Variants in SGK3 observed in about 807,000 individuals in gnomAD.
SGK3 encodes serine/threonine-protein kinase Sgk3.
SGK3 carries 47 observed loss-of-function variants against 68.5 expected under a neutral mutation model. The observed-to-expected ratio is 0.69, with a 90% CI of 0.54 to 0.87. The LOEUF is 0.87. Among genes scored for constraint, SGK3 ranks in the 40% least tolerant of loss-of-function variants. The pLI is 0.00. For synonymous variants in SGK3, 181 were observed against 189.1 expected, an observed-to-expected ratio of 0.96 and a Z score of 0.35; for missense variants, 479 against 575.5, an observed-to-expected ratio of 0.83 and a Z score of 1.72.
intron 1 of SGK3, among the ~76,000 whole-genome samples, chr8:66,749,130 G>C (rs2130425395): frequency 6.6e-6 from 1 of 152,260 alleles, no homozygotes; most frequent in East Asian, 1.9e-4. Context: ...TACGAGAGTG[G>C]AAGGGATGGA....
Position 66,847,340 on chromosome 8 carries a change from G to A in SGK3, c.1222G>A (p.Glu408Lys). ...CAGGCAAAATCGACTTGGTGCCAAGGAAGACTTTGTATGTAACAGCTTTTC... is the reference window on the plus strand; with the variant it reads ...CAGGCAAAATCGACTTGGTGCCAAGAAAGACTTTGTATGTAACAGCTTTTC... ...KDRQNRLGAK[E>K]DFLEIQNHPF... Residue 408 changes from glutamate (E) to lysine (K), a missense_variant, in exon 15 of 17, where the codon GAA (glutamate) becomes AAA (lysine). Transcript: ENST00000521198. The A allele has an allele frequency of 6.2e-7, 1 of 1,613,290 alleles. No homozygotes were observed. The highest frequency in any genetic ancestry group is 8.5e-7 in the Non-Finnish European group (1 of 1,179,792).
Position 66,835,784 on chromosome 8 carries a change from C to A in SGK3, c.547C>A (p.Leu183Met), listed in dbSNP as rs1172793059. ...ACAGGTTCTTCTTGCAAAACGGAAA[C>A]TGGATGGAAAATTTTATGCTGTCAA... ...FGKVLLAKRK[L>M]DGKFYAVKVL... Residue 183 changes from leucine to methionine, a missense_variant, in exon 9 of 17, where the codon CTG becomes ATG. By Grantham distance (15) the Leu-to-Met change is conservative. This residue lies in a region of SGK3 where 298 missense variants were observed against 329.4 expected (regional missense o/e 0.90). Coordinates refer to ENST00000521198, the MANE Select transcript of SGK3 (RefSeq NM_001033578.3). 2 of 1,611,984 alleles carry A rather than the reference C, an allele frequency of 1.2e-6. No individual in the cohort carries two copies. The highest frequency in any genetic ancestry group is 2.7e-5 in the African/African-American group (2 of 74,898).
At chr8:66,733,435 G>A (rs1017931180) in intron 1 of SGK3, among the ~76,000 whole-genome samples, 8 of 152,228 alleles carry the variant, frequency 5.3e-5, no homozygotes, top group Non-Finnish European at 5.9e-5. Flanking sequence ...AGGAGTAAAT[G>A]TGATTGTTTT....
At chr8:66,855,760 T>C (rs1465303622) in intron 16 of SGK3, among the ~76,000 whole-genome samples, 1 of 152,200 alleles carries the variant, frequency 6.6e-6, no homozygotes, top group Non-Finnish European at 1.5e-5. Flanking sequence ...ATACTGACGG[T>C]TGAAGAAGTG....
intron 10 of SGK3, 82 bp downstream of exon 10, chr8:66,836,156 G>A (rs1479693903): frequency 6.6e-7 from 1 of 1,515,732 alleles, no homozygotes; most frequent in Non-Finnish European, 8.9e-7. Flanking sequence ...AGTTTTAGAA[G>A]GACAGTATAA....
rs1349973707 is a variant in SGK3 at position 66,793,608 on chromosome 8, T to C, written c.-121-8T>C. The C allele has an allele frequency of 4.0e-6, 3 of 756,492 alleles. No individual in the cohort carries two copies. Among genetic ancestry groups the C allele is most frequent in the Admixed American group, 6.7e-5 (2 of 30,004 alleles). 46.9% of individuals were successfully genotyped at this position (756,492 alleles called of 1,614,324 possible). ...GCTAATCACTTTTTTTTTTTTCTGT[T>C]GGTTAAGGTTGCATGATGGAATTTG... is the stretch of plus-strand genomic sequence containing the variant. On this transcript the variant is annotated splice_polypyrimidine_tract_variant and splice_region_variant and intron_variant, in intron 1 of 16. Coordinates refer to ENST00000521198, the MANE Select transcript of SGK3 (RefSeq NM_001033578.3).
At chr8:66,732,516 C>T (rs1274495901) in intron 1 of SGK3, among the ~76,000 whole-genome samples, 2 of 151,772 alleles carry the variant, frequency 1.3e-5, no homozygotes, top group African/African-American at 4.8e-5. Flanking sequence ...TTAACTTTGC[C>T]TTGTAGCACA....
intron 1 of SGK3, among the ~76,000 whole-genome samples, chr8:66,793,325 T>C (rs1478513671): frequency 6.6e-6 from 1 of 152,230 alleles, no homozygotes; most frequent in Admixed American, 6.5e-5. Context: ...AACCACACTT[T>C]GGTTACCTCC....
At chr8:66,770,870 C>G (rs1308115810) in intron 1 of SGK3, among the ~76,000 whole-genome samples, 1 of 152,194 alleles carries the variant, frequency 6.6e-6, no homozygotes, top group Non-Finnish European at 1.5e-5. Context: ...CCCATCCTCT[C>G]AACTCAGGTA....
chr8:66,844,417 G>A (rs763580662), intron 14 of SGK3, among the ~76,000 whole-genome samples: 1 of 152,122 alleles, frequency 6.6e-6, no homozygotes, highest in African/African-American at 2.4e-5. Context: ...TTCTTATTTA[G>A]TTAAAGACAC....
chr8:66,741,734 A>G (rs997074247), intron 1 of SGK3, among the ~76,000 whole-genome samples: 1 of 152,080 alleles, frequency 6.6e-6, no homozygotes, highest in South Asian at 2.1e-4. Context: ...AAAAAAAGAA[A>G]ATTATATGTT....
At chr8:66,781,679 A>C (rs571118796) in intron 1 of SGK3, among the ~76,000 whole-genome samples, 205 of 152,208 alleles carry the variant, frequency 1.3e-3, no homozygotes, top group African/African-American at 4.8e-3. Flanking sequence ...GGTGCACAAC[A>C]CTCTTCTTCA....
chr8:66,809,069 A>G (rs745875726), intron 4 of SGK3, among the ~76,000 whole-genome samples: 6 of 151,842 alleles, frequency 4.0e-5, no homozygotes, highest in East Asian at 1.9e-4. Context: ...GGGTTTCTCC[A>G]TGTTGGTCAG....
At chr8:66,718,817 C>T (rs1027988258) in intron 1 of SGK3, among the ~76,000 whole-genome samples, 7 of 152,164 alleles carry the variant, frequency 4.6e-5, no homozygotes, top group East Asian at 1.9e-4. Context: ...TGTGTGCCAC[C>T]GTGCCCGGCC....
chr8:66,726,801 T>TAAAAAAAA (rs560794837), intron 1 of SGK3, among the ~76,000 whole-genome samples: 4 of 80,982 alleles, frequency 4.9e-5, no homozygotes, highest in African/African-American at 2.3e-4. Context: ...ACCCTGTCTG[T>TAAAAAAAA]AAAAAAAAAA....
Position 66,859,619 on chromosome 8 carries a change from C to A in SGK3, c.*38C>A. 1.3e-6 allele frequency: 2 copies of A among 1,567,718 alleles called. No homozygotes were observed. Among genetic ancestry groups the A allele is most frequent in the South Asian group, 1.2e-5 (1 of 83,902 alleles). On this transcript the variant is annotated 3_prime_UTR_variant, in exon 17 of 17. Transcript: ENST00000521198. ...TCAGAAACCATTGAGCAAAATAAGTCTATAGATGGGACTGAAACTTCTATT... is the reference window on the plus strand; with the variant it reads ...TCAGAAACCATTGAGCAAAATAAGTATATAGATGGGACTGAAACTTCTATT...
chr8:66,769,457 C>G (rs1040104287), intron 1 of SGK3, among the ~76,000 whole-genome samples: 12 of 152,182 alleles, frequency 7.9e-5, no homozygotes, highest in African/African-American at 2.9e-4. Context: ...CTCCAGACCT[C>G]AAATGATCCA....
chr8:66,828,817 C>G, intron 7 of SGK3, 114 bp downstream of exon 7: 1 of 1,343,572 alleles, frequency 7.4e-7, no homozygotes, highest in South Asian at 1.2e-5. Context: ...TGAAATATAA[C>G]CATAGTTACA....
chr8:66,816,983 A>C (rs758411817), intron 5 of SGK3, among the ~76,000 whole-genome samples: 2 of 152,046 alleles, frequency 1.3e-5, no homozygotes, highest in Non-Finnish European at 2.9e-5. Flanking sequence ...GGTGTGAGCC[A>C]CTACACCCAG....
Sources: allele counts gnomAD v4.1 joint callset (sites outside exome capture counted in the v4.1 genomes callset), GRCh38; gene constraint gnomAD v4.1.1; regional missense constraint gnomAD v4.1.1; transcripts MANE v1.5; gene names NCBI Gene and HGNC (gene_info 2026-07-23, HGNC 2026-07-21).